ZNF804B: variants seen among roughly 807,000 people sequenced by gnomAD.
ZNF804B encodes the protein zinc finger 804B.
ZNF804B carries 80 observed loss-of-function variants against 101.4 expected under a neutral mutation model. The observed-to-expected ratio is 0.79, with a 90% CI of 0.66 to 0.95. ZNF804B has a LOEUF of 0.95. Among genes scored for constraint, ZNF804B ranks in the 40% least tolerant of loss-of-function variants. The pLI is 0.00. For missense variants in ZNF804B, 1,673 were observed against 1,561.9 expected, an observed-to-expected ratio of 1.07 and a Z score of -1.20; for synonymous variants, 622 against 558.8, an observed-to-expected ratio of 1.11 and a Z score of -1.59.
chr7:89,132,569 T>G (rs1391873368), intron 1 of ZNF804B, among the ~76,000 whole-genome samples: 1 of 152,022 alleles, frequency 6.6e-6, no homozygotes, highest in Non-Finnish European at 1.5e-5. Context: ...TATGTCATCA[T>G]TCTGTACACA....
At chr7:89,242,648 AAAT>A (rs775509304) in intron 2 of ZNF804B, among the ~76,000 whole-genome samples, 2 of 151,882 alleles carry the variant, frequency 1.3e-5, no homozygotes, top group Non-Finnish European at 1.5e-5. Context: ...AGATAACTTA[AAAT>A]AATACAGTAT....
At position 89,335,875 on chromosome 7, in the gene ZNF804B, A is replaced by G. The variant is rs148474033; in HGVS notation, c.2893A>G (p.Ile965Val). The change falls in exon 4 of 4, where the codon ATT becomes GTT. Residue 965 changes from isoleucine to valine, a missense_variant. Ile to Val is a conservative substitution (Grantham distance 29). Coordinates refer to ENST00000333190, the MANE Select transcript of ZNF804B (RefSeq NM_181646.5). ...LEAPSQVPCT[I>V]QLAPSGCNRQ... Reference sequence around the variant, plus strand: ...GGCTCCTTCGCAAGTCCCATGCACAATTCAACTTGCACCATCAGGCTGTAA... The same window carrying G: ...GGCTCCTTCGCAAGTCCCATGCACAGTTCAACTTGCACCATCAGGCTGTAA... The G allele has an allele frequency of 7.0e-4, 1,130 of 1,614,124 alleles. 5 individuals carry two copies. In the African/African-American group the frequency reaches 0.013, roughly 18 times the overall value.
Position 89,037,268 on chromosome 7 carries a change from A to G in ZNF804B, c.109-180887A>G, listed in dbSNP as rs76692788. Among the ~76,000 whole-genome samples the G allele has an allele frequency of 3.2e-4, 49 of 152,266 alleles. 3 individuals carry two copies. In the East Asian group the frequency reaches 9.5e-3, roughly 29 times the overall value. On this transcript the variant is annotated intron_variant, in intron 1 of 3. Coordinates refer to ENST00000333190, the MANE Select transcript of ZNF804B (RefSeq NM_181646.5). ...AATATAGTAATCATTTAGAATGTACAGACCACCAACATGCTTAAGAATGTC... is the reference window on the plus strand; with the variant it reads ...AATATAGTAATCATTTAGAATGTACGGACCACCAACATGCTTAAGAATGTC...
intron 1 of ZNF804B, among the ~76,000 whole-genome samples, chr7:88,775,054 GTC>G (rs2115642908): frequency 6.6e-6 from 1 of 152,316 alleles, no homozygotes; most frequent in East Asian, 1.9e-4. Context: ...CAGACATGCT[GTC>G]TGTGTTAGTG....
intron 1 of ZNF804B, among the ~76,000 whole-genome samples, chr7:89,150,335 C>T (rs1356461877): frequency 6.6e-6 from 1 of 152,004 alleles, no homozygotes; most frequent in African/African-American, 2.4e-5. Context: ...TGTTGCCCCA[C>T]TAGAAAACCT....
chr7:89,314,801 T>G (rs891621721), intron 2 of ZNF804B, among the ~76,000 whole-genome samples: 1 of 152,178 alleles, frequency 6.6e-6, no homozygotes, highest in Admixed American at 6.5e-5. Context: ...TTACACTGTC[T>G]TGTCTCCTGT....
intron 1 of ZNF804B, among the ~76,000 whole-genome samples, chr7:88,797,025 A>G (rs756809989): frequency 2.4e-4 from 36 of 152,128 alleles, no homozygotes; most frequent in Non-Finnish European, 4.1e-4. Flanking sequence ...CCTTGGATGT[A>G]ACTCTGTCTT....
intron 2 of ZNF804B, among the ~76,000 whole-genome samples, chr7:89,270,763 T>G (rs1372287496): frequency 6.6e-6 from 1 of 152,108 alleles, no homozygotes; most frequent in East Asian, 1.9e-4. Flanking sequence ...TTGTAGTTCT[T>G]CTTGAAGAGG....
intron 1 of ZNF804B, among the ~76,000 whole-genome samples, chr7:89,190,666 T>C (rs1310899699): frequency 6.6e-6 from 1 of 152,112 alleles, no homozygotes; most frequent in African/African-American, 2.4e-5. Flanking sequence ...AGAGGAACTT[T>C]TCATGAAAGG....
intron 1 of ZNF804B, among the ~76,000 whole-genome samples, chr7:89,041,855 T>A (rs61391682): frequency 0.042 from 6,440 of 152,260 alleles, 447 homozygotes; most frequent in African/African-American, 0.14. Flanking sequence ...TTAGCTTTTG[T>A]GAAGGTATTT....
intron 1 of ZNF804B, among the ~76,000 whole-genome samples, chr7:88,959,665 G>C (rs1270841975): frequency 6.6e-6 from 1 of 151,292 alleles, no homozygotes; most frequent in Admixed American, 6.6e-5. Flanking sequence ...TTTATAACGT[G>C]TTTGCATACT....
intron 1 of ZNF804B, among the ~76,000 whole-genome samples, chr7:89,001,451 A>G (rs1584064197): frequency 6.6e-6 from 1 of 151,826 alleles, no homozygotes; most frequent in Admixed American, 6.6e-5. Flanking sequence ...AACATGTGCA[A>G]GTTTCACAAT....
intron 1 of ZNF804B, among the ~76,000 whole-genome samples, chr7:89,153,862 GC>G (rs1584019335): frequency 1.3e-5 from 2 of 152,232 alleles, no homozygotes; most frequent in East Asian, 3.9e-4. Flanking sequence ...TGAGACAGTA[GC>G]CTATTCTGTT....
chr7:89,037,777 T>G (rs1788951358), intron 1 of ZNF804B, among the ~76,000 whole-genome samples: 1 of 152,150 alleles, frequency 6.6e-6, no homozygotes, highest in African/African-American at 2.4e-5. Flanking sequence ...TAACTGGAAC[T>G]TTCTACCCTT....
intron 1 of ZNF804B, among the ~76,000 whole-genome samples, chr7:88,831,911 T>G (rs935670970): frequency 6.6e-6 from 1 of 152,086 alleles, no homozygotes; most frequent in East Asian, 1.9e-4. Flanking sequence ...GCTCTTTTTG[T>G]TCTATAGATG....
intron 1 of ZNF804B, among the ~76,000 whole-genome samples, chr7:89,094,244 C>T (rs1168665034): frequency 6.6e-6 from 1 of 152,194 alleles, no homozygotes; most frequent in African/African-American, 2.4e-5. Flanking sequence ...GAACCAATGT[C>T]ACGATGCCTG....
chr7:89,167,101 T>A (rs948018708), intron 1 of ZNF804B, among the ~76,000 whole-genome samples: 1 of 152,082 alleles, frequency 6.6e-6, no homozygotes, highest in Non-Finnish European at 1.5e-5. Flanking sequence ...TTATATATAT[T>A]CTTAGACTAT....
intron 1 of ZNF804B, among the ~76,000 whole-genome samples, chr7:88,763,755 A>G (rs1246015337): frequency 8.5e-6 from 1 of 116,976 alleles, no homozygotes; most frequent in Non-Finnish European, 1.6e-5. Flanking sequence ...TTATAGACAG[A>G]AAAATAGATA....
intron 1 of ZNF804B, among the ~76,000 whole-genome samples, chr7:89,215,692 GCT>G (rs1788880938): frequency 6.6e-6 from 1 of 151,492 alleles, no homozygotes; most frequent in Non-Finnish European, 1.5e-5. Context: ...GACCATCCTG[GCT>G]AACACGGTGA....
Sources: gnomAD v4.1 joint callset for allele counts (sites outside exome capture counted in the v4.1 genomes callset) on GRCh38, gnomAD v4.1.1 for gene constraint, MANE v1.5 for transcripts, NCBI Gene and HGNC (gene_info 2026-07-23, HGNC 2026-07-21) for gene names.